RBFOX2: variants seen among roughly 807,000 people sequenced by gnomAD.
RBFOX2 encodes the protein RNA binding fox-1 homolog 2, also known as RNA binding protein fox-1 homolog 2.
Under a neutral mutation model 49.1 loss-of-function variants are expected in RBFOX2, and 10 were observed. The observed-to-expected ratio is 0.20, with a 90% CI of 0.13 to 0.35. The LOEUF (loss-of-function observed/expected upper bound fraction) is 0.35, where lower values mean the gene tolerates loss of function less well. RBFOX2 is among the 10% of genes least tolerant of loss of function. The pLI is 1.00. For synonymous variants in RBFOX2, 183 were observed against 187.4 expected, an observed-to-expected ratio of 0.98 and a Z score of 0.19; for missense variants, 323 against 486.9, an observed-to-expected ratio of 0.66 and a Z score of 3.17.
chr22:35,843,660 C>T (rs1354231323), upstream of RBFOX2, among the ~76,000 whole-genome samples: 1 of 152,194 alleles, frequency 6.6e-6, no homozygotes, highest in Non-Finnish European at 1.5e-5. Flanking sequence ...CTTAACTTTC[C>T]TCTTTCCCTG....
intron 2 of RBFOX2, among the ~76,000 whole-genome samples, chr22:35,805,641 T>C (rs183052160): frequency 2.0e-5 from 3 of 152,174 alleles, no homozygotes; most frequent in East Asian, 1.9e-4. Context: ...CCCCAAGAAG[T>C]TCAAAACTAA....
chr22:36,003,816 A>C (rs1603465039), intron 1 of RBFOX2, among the ~76,000 whole-genome samples: 1 of 152,246 alleles, frequency 6.6e-6, no homozygotes, highest in South Asian at 2.1e-4. Context: ...GGATGTGCAG[A>C]GTTCTACAAA....
At chr22:35,988,119 C>T (rs1184740337) in intron 1 of RBFOX2, among the ~76,000 whole-genome samples, 1 of 152,050 alleles carries the variant, frequency 6.6e-6, no homozygotes, top group African/African-American at 2.4e-5. Context: ...GAGGTAAAAC[C>T]CTAAAGGGGG....
Position 35,871,958 on chromosome 22 carries a change from A to C in RBFOX2, c.-33-61954T>G, listed in dbSNP as rs577971161. Reference sequence around the variant, plus strand: ...TTAGAGCACAGAGATTCAAATTTGTAAAACCTCTGTATCCATAGCTGGGCA... The same window carrying C: ...TTAGAGCACAGAGATTCAAATTTGTCAAACCTCTGTATCCATAGCTGGGCA... On this transcript the variant is annotated intron_variant, in intron 1 of 13. Coordinates refer to the RBFOX2 transcript ENST00000359369. 3.3e-5 allele frequency among the ~76,000 whole-genome samples: 5 copies of C among 152,342 alleles called. No homozygotes were observed. The East Asian group carries it at 9.6e-4, about 29-fold the overall frequency.
exon 1 of RBFOX2, chr22:35,840,382 CTTTCT>C: frequency 6.6e-7 from 1 of 1,523,254 alleles, no homozygotes; most frequent in Non-Finnish European, 8.8e-7. Context: ...ATGTTTCTTC[CTTTCT>C]TTTCTCTTCC....
intron 1 of RBFOX2, among the ~76,000 whole-genome samples, chr22:36,007,536 T>C (rs747455431): frequency 1.1e-4 from 16 of 152,208 alleles, no homozygotes; most frequent in Non-Finnish European, 4.4e-5. Flanking sequence ...ATTTTATTTT[T>C]AAAACAAGTA....
intron 1 of RBFOX2, among the ~76,000 whole-genome samples, chr22:35,984,341 T>C (rs976578248): frequency 5.9e-5 from 9 of 152,218 alleles, no homozygotes; most frequent in African/African-American, 2.2e-4. Flanking sequence ...CTCTGCCCTA[T>C]GCCCTCAGAA....
intron 1 of RBFOX2, among the ~76,000 whole-genome samples, chr22:35,878,172 G>A (rs1294960737): frequency 6.6e-6 from 1 of 151,874 alleles, no homozygotes; most frequent in Non-Finnish European, 1.5e-5. Flanking sequence ...CGAGGTTGGT[G>A]GATCCCCTAA....
chr22:35,976,383 C>G (rs868314816), intron 1 of RBFOX2, among the ~76,000 whole-genome samples: 2 of 151,890 alleles, frequency 1.3e-5, no homozygotes, highest in Non-Finnish European at 2.9e-5. Flanking sequence ...CTGTTCTCAA[C>G]AAGTACCTCC....
At chr22:35,768,374 A>G (rs770485109) in intron 4 of RBFOX2, 25 bp from the exon 6 acceptor site, 2 of 1,575,766 alleles carry the variant, frequency 1.3e-6, no homozygotes, top group Admixed American at 1.7e-5. Flanking sequence ...AGAAGGGGGG[A>G]AAACATGCAC....
upstream of RBFOX2, chr22:35,840,615 CGTGTGTGCGTGTGTGCGTGTGTGTGT>C: frequency 9.2e-7 from 1 of 1,081,558 alleles, no homozygotes; most frequent in Non-Finnish European, 1.1e-6. Flanking sequence ...TGTGCGCACG[CGTGTGTGCGTGTGTGCGTGTGTGTGT>C]GTGTGTGTGT....
intron 1 of RBFOX2, among the ~76,000 whole-genome samples, chr22:35,814,732 A>AAG (rs958187410): frequency 8.8e-5 from 13 of 147,208 alleles, no homozygotes; most frequent in African/African-American, 1.7e-4. Flanking sequence ...AAAAAAAAAA[A>AAG]AAAAGAAAAG....
At position 35,980,773 on chromosome 22, in the gene RBFOX2, T is replaced by TA. The variant is rs1201588072; in HGVS notation, c.187-41877dup. ...TGACAATCTCTGCCCTCAGAGAACT[T>TA]ACAGTTTAGCAGGTGGGACAGACAA... On this transcript the variant is annotated intron_variant, in intron 1 of 13. Coordinates refer to the RBFOX2 transcript ENST00000438146. Among the ~76,000 whole-genome samples, 3 of 152,178 alleles carry TA rather than the reference T, an allele frequency of 2.0e-5. No homozygotes were observed. The East Asian group carries it at 5.8e-4, about 29-fold the overall frequency.
upstream of RBFOX2, among the ~76,000 whole-genome samples, chr22:35,940,106 G>C (rs1483144772): frequency 6.6e-6 from 1 of 152,106 alleles, no homozygotes; most frequent in Non-Finnish European, 1.5e-5. Flanking sequence ...CTAATTGGTA[G>C]GTTGACTATA....
intron 3 of RBFOX2, 110 bp from the exon 5 acceptor site, chr22:35,778,188 T>C (rs1221792906): frequency 1.2e-6 from 1 of 861,944 alleles, no homozygotes; most frequent in African/African-American, 1.7e-5. Flanking sequence ...AAACTACTTA[T>C]TTAACTTCTA....
intron 2 of RBFOX2, among the ~76,000 whole-genome samples, chr22:35,789,913 A>T (rs559401660): frequency 1.3e-5 from 2 of 152,236 alleles, no homozygotes; most frequent in South Asian, 4.2e-4. Context: ...AAAATTTGGG[A>T]AGTCTGAGTG....
intron 1 of RBFOX2, among the ~76,000 whole-genome samples, chr22:35,879,321 G>A (rs1207832960): frequency 2.0e-5 from 3 of 152,130 alleles, no homozygotes; most frequent in African/African-American, 4.8e-5. Context: ...CCTTGTCACC[G>A]TAAATCGTGT....
At chr22:35,856,488 T>C (rs1345469722) in intron 1 of RBFOX2, among the ~76,000 whole-genome samples, 1 of 152,190 alleles carries the variant, frequency 6.6e-6, no homozygotes, top group African/African-American at 2.4e-5. Context: ...TTAGCAAAGA[T>C]TGCCGAGATT....
At chr22:35,880,094 T>C (rs1171972565) in intron 1 of RBFOX2, among the ~76,000 whole-genome samples, 1 of 151,878 alleles carries the variant, frequency 6.6e-6, no homozygotes, top group Non-Finnish European at 1.5e-5. Context: ...AGGCGGAGGT[T>C]GCAGTGAGCC....
Sources: gnomAD v4.1 joint callset for allele counts (sites outside exome capture counted in the v4.1 genomes callset) on GRCh38, gnomAD v4.1.1 for gene constraint, MANE v1.5 for transcripts, NCBI Gene and HGNC (gene_info 2026-07-23, HGNC 2026-07-21) for gene names.